ANKS1B: variants seen among roughly 807,000 people sequenced by gnomAD.
ANKS1B encodes the protein ankyrin repeat and sterile alpha motif domain containing 1B.
ANKS1B carries 36 observed loss-of-function variants against 148.3 expected under a neutral mutation model. That is an observed-to-expected ratio of 0.24 (90% CI 0.19 to 0.32). ANKS1B has a LOEUF of 0.32. Ranked by LOEUF, ANKS1B falls within the 10% of genes least tolerant of loss-of-function variation. The probability of loss-of-function intolerance (pLI) is 1.00; values close to 1 mark genes in which losing one functional copy is unlikely to be tolerated. For synonymous variants in ANKS1B, 542 were observed against 560.8 expected (o/e 0.97, Z 0.47); for missense variants, 1,157 against 1,542.6 (o/e 0.75, Z 4.19).
intron 14 of ANKS1B, among the ~76,000 whole-genome samples, chr12:99,232,189 T>C (rs1225347862): frequency 6.6e-6 from 1 of 152,216 alleles, no homozygotes; most frequent in Non-Finnish European, 1.5e-5. Context: ...ATGTACTCTA[T>C]AATAAAATTC....
intron 12 of ANKS1B, among the ~76,000 whole-genome samples, chr12:99,259,176 T>A (rs983632826): frequency 3.3e-5 from 5 of 152,194 alleles, no homozygotes; most frequent in Non-Finnish European, 5.9e-5. Flanking sequence ...CACCATCCAC[T>A]GGAGTGTCCT....
At chr12:99,102,389 C>A (rs1188104764) in intron 15 of ANKS1B, among the ~76,000 whole-genome samples, 1 of 151,046 alleles carries the variant, frequency 6.6e-6, no homozygotes, top group African/African-American at 2.4e-5. Flanking sequence ...GGAGAAGGAA[C>A]AGGATCACAG....
chr12:99,916,573 G>A (rs966316680), intron 1 of ANKS1B, among the ~76,000 whole-genome samples: 22 of 152,154 alleles, frequency 1.4e-4, no homozygotes, highest in African/African-American at 5.1e-4. Context: ...TCTGAACTAT[G>A]AAACAAGAGC....
chr12:99,516,373 G>T (rs1470513922), intron 9 of ANKS1B, among the ~76,000 whole-genome samples: 2 of 151,984 alleles, frequency 1.3e-5, no homozygotes, highest in African/African-American at 4.8e-5. Flanking sequence ...CCGCATATAG[G>T]TATCAAGTTT....
intron 1 of ANKS1B, among the ~76,000 whole-genome samples, chr12:99,912,938 GGTTT>G (rs1289248465): frequency 6.6e-6 from 1 of 152,076 alleles, no homozygotes; most frequent in African/African-American, 2.4e-5. Context: ...AGTTAGGCAT[GGTTT>G]GTTTGTGATT....
chr12:99,495,995 T>G (rs560541513), intron 10 of ANKS1B, among the ~76,000 whole-genome samples: 10 of 152,340 alleles, frequency 6.6e-5, no homozygotes, highest in African/African-American at 2.4e-4. Flanking sequence ...CACAGTCCAG[T>G]AAGCACATTA....
At chr12:99,259,748 G>A (rs559577189) in intron 12 of ANKS1B, among the ~76,000 whole-genome samples, 1 of 152,078 alleles carries the variant, frequency 6.6e-6, no homozygotes, top group South Asian at 2.1e-4. Flanking sequence ...AGCAAAGGAA[G>A]CCAGCGACAT....
At position 99,271,259 on chromosome 12, in the gene ANKS1B, T is replaced by C. The variant is rs140198412; in HGVS notation, c.1757-24395A>G. Among the ~76,000 whole-genome samples the C allele has an allele frequency of 3.5e-3, 529 of 152,314 alleles. 2 individuals are homozygous for C. Among genetic ancestry groups the C allele is most frequent in the African/African-American group, 0.013 (520 of 41,576 alleles). On this transcript the variant is annotated intron_variant, in intron 12 of 26. Coordinates refer to ENST00000683438, the MANE Select transcript of ANKS1B (RefSeq NM_001352186.2). ...TGCTTTCTCCCTGTTTACTGTCACA[T>C]GGTTAGCTCTTCTCATTCTGTGACT...
chr12:99,688,047 A>G (rs1190362892), intron 8 of ANKS1B, among the ~76,000 whole-genome samples: 5 of 152,186 alleles, frequency 3.3e-5, no homozygotes, highest in Non-Finnish European at 7.3e-5. Flanking sequence ...CATTATCCCC[A>G]TTATTAAGGA....
intron 20 of ANKS1B, among the ~76,000 whole-genome samples, chr12:98,804,178 A>G (rs1250544486): frequency 6.6e-6 from 1 of 152,194 alleles, no homozygotes; most frequent in East Asian, 1.9e-4. Context: ...GAAAAGAAAT[A>G]TAATACTTAT....
chr12:99,795,344 G>T, intron 4 of ANKS1B, among the ~76,000 whole-genome samples: 1 of 151,606 alleles, frequency 6.6e-6, no homozygotes, highest in Non-Finnish European at 1.5e-5. Flanking sequence ...AAATAATAAA[G>T]TCAGAAGAAA....
At chr12:99,713,078 C>T (rs1177442644) in intron 8 of ANKS1B, among the ~76,000 whole-genome samples, 2 of 152,184 alleles carry the variant, frequency 1.3e-5, no homozygotes, top group Non-Finnish European at 2.9e-5. Context: ...CTTTGTGGGT[C>T]TCCCACACAT....
chr12:98,965,886 C>A (rs994521700), intron 17 of ANKS1B, among the ~76,000 whole-genome samples: 1 of 152,140 alleles, frequency 6.6e-6, no homozygotes, highest in East Asian at 1.9e-4. Context: ...ACACCTCATA[C>A]GAAAATTAAT....
intron 8 of ANKS1B, among the ~76,000 whole-genome samples, chr12:99,707,256 T>C (rs923250137): frequency 6.6e-6 from 1 of 152,092 alleles, no homozygotes; most frequent in African/African-American, 2.4e-5. Flanking sequence ...CTACTTAAGC[T>C]GACACTGCTA....
intron 22 of ANKS1B, among the ~76,000 whole-genome samples, chr12:98,791,080 C>T (rs1196434291): frequency 6.6e-6 from 1 of 152,196 alleles, no homozygotes; most frequent in Non-Finnish European, 1.5e-5. Context: ...GGCGTGGTGG[C>T]TCACGCCTGT....
chr12:99,046,339 A>G (rs1443240003), intron 17 of ANKS1B, among the ~76,000 whole-genome samples: 1 of 152,206 alleles, frequency 6.6e-6, no homozygotes, highest in Non-Finnish European at 1.5e-5. Context: ...AAATTACCAG[A>G]CATGCAAAAA....
At chr12:99,513,214 T>C (rs2096784204) in intron 9 of ANKS1B, among the ~76,000 whole-genome samples, 1 of 152,020 alleles carries the variant, frequency 6.6e-6, no homozygotes, top group East Asian at 1.9e-4. Context: ...ATAAAGTATT[T>C]TTAATTAGGT....
chr12:99,329,437 CCT>C (rs1326902214), intron 12 of ANKS1B, among the ~76,000 whole-genome samples: 2 of 151,730 alleles, frequency 1.3e-5, no homozygotes, highest in Non-Finnish European at 2.9e-5. Context: ...TGCATCTGAT[CCT>C]TGAGATATAT....
chr12:99,096,453 A>G (rs2056158791), intron 15 of ANKS1B, among the ~76,000 whole-genome samples: 1 of 152,152 alleles, frequency 6.6e-6, no homozygotes, highest in African/African-American at 2.4e-5. Context: ...ACTTGCTCAC[A>G]TCACAACAAT....
Sources: allele counts gnomAD v4.1 joint callset (sites outside exome capture counted in the v4.1 genomes callset), GRCh38; gene constraint gnomAD v4.1.1; transcripts MANE v1.5; gene names NCBI Gene and HGNC (gene_info 2026-07-23, HGNC 2026-07-21).